The following MAPK10 variants were observed in gnomAD, a reference collection of about 807,000 sequenced individuals.
MAPK10 encodes the protein JNK3 alpha protein kinase.
MAPK10 carries 25 observed loss-of-function variants against 59.3 expected under a neutral mutation model. The ratio of observed to expected loss-of-function variants is 0.42; its 90% confidence interval spans 0.31 to 0.59. The LOEUF (loss-of-function observed/expected upper bound fraction) is 0.59. MAPK10 is among the 20% of genes least tolerant of loss of function. The pLI is 0.15. For synonymous variants in MAPK10, 190 were observed against 200.5 expected (o/e 0.95, Z 0.44); for missense variants, 351 against 568.9 (o/e 0.62, Z 3.90).
chr4:86,402,404 C>A (rs1743839863), intron 1 of MAPK10, among the ~76,000 whole-genome samples: 1 of 152,104 alleles, frequency 6.6e-6, no homozygotes. Context: ...CAGAAACATA[C>A]TTGATTATCC....
At chr4:86,563,398 G>A (rs926702747) in intron 1 of MAPK10, among the ~76,000 whole-genome samples, 1 of 152,126 alleles carries the variant, frequency 6.6e-6, no homozygotes, top group African/African-American at 2.4e-5. Context: ...TTCCAGGAGA[G>A]AAAAGAAATC....
chr4:86,059,974 G>A (rs929911950), intron 11 of MAPK10, among the ~76,000 whole-genome samples: 51 of 152,138 alleles, frequency 3.4e-4, no homozygotes, highest in Admixed American at 3.1e-3. Flanking sequence ...TGCCCAAGCA[G>A]CTCTACCTGC....
chr4:86,583,608 A>C (rs1762457259), intron 1 of MAPK10, among the ~76,000 whole-genome samples: 1 of 152,178 alleles, frequency 6.6e-6, no homozygotes, highest in Admixed American at 6.5e-5. Context: ...GGTAAAGATA[A>C]TTGCAGTGAT....
At chr4:86,434,938 C>T (rs1160385823) in intron 1 of MAPK10, among the ~76,000 whole-genome samples, 1 of 152,168 alleles carries the variant, frequency 6.6e-6, no homozygotes, top group Non-Finnish European at 1.5e-5. Context: ...GATCTATATA[C>T]ACAATGGAAT....
intron 1 of MAPK10, among the ~76,000 whole-genome samples, chr4:86,513,021 T>C (rs1756394949): frequency 6.6e-6 from 1 of 152,166 alleles, no homozygotes; most frequent in African/African-American, 2.4e-5. Context: ...ATCAGAACCT[T>C]CTGCTGGTAA....
chr4:86,107,194 G>C, intron 5 of MAPK10, 29 bp downstream of exon 5: 1 of 1,583,198 alleles, frequency 6.3e-7, no homozygotes, highest in Middle Eastern at 1.7e-4. Flanking sequence ...AACTCCCACT[G>C]CCAGAAGTTT....
intron 4 of MAPK10, among the ~76,000 whole-genome samples, chr4:86,122,532 C>A (rs1224883821): frequency 1.3e-5 from 2 of 152,080 alleles, no homozygotes; most frequent in African/African-American, 2.4e-5. Flanking sequence ...GGGTCTTGAT[C>A]CCACTTGTTT....
intron 2 of MAPK10, among the ~76,000 whole-genome samples, chr4:86,345,425 TGAA>T (rs1252280863): frequency 3.9e-5 from 6 of 152,212 alleles, no homozygotes. Flanking sequence ...TCTTTGCTGT[TGAA>T]GAACTGGTGT....
intron 1 of MAPK10, among the ~76,000 whole-genome samples, chr4:86,497,801 C>T (rs1459465296): frequency 1.3e-5 from 2 of 152,152 alleles, no homozygotes; most frequent in Non-Finnish European, 2.9e-5. Flanking sequence ...TAACAATCAG[C>T]ACTTGCACTC....
chr4:86,480,698 T>C (rs953363182), intron 1 of MAPK10, among the ~76,000 whole-genome samples: 1 of 152,210 alleles, frequency 6.6e-6, no homozygotes, highest in Admixed American at 6.5e-5. Context: ...GTTTTGAGGC[T>C]GTAGGAGTGG....
intron 11 of MAPK10, among the ~76,000 whole-genome samples, chr4:86,045,178 T>C (rs2042266043): frequency 6.6e-6 from 1 of 151,846 alleles, no homozygotes; most frequent in Admixed American, 6.6e-5. Context: ...TTTTCTCAGA[T>C]TTATTTATTA....
chr4:86,293,874 ACACCTCCCACCAGGCCC>A (rs1326188109), intron 2 of MAPK10, among the ~76,000 whole-genome samples: 4 of 152,090 alleles, frequency 2.6e-5, no homozygotes, highest in Non-Finnish European at 4.4e-5. Context: ...CTCTATCTAA[ACACCTCCCACCAGGCCC>A]CACCTCCAAC....
At chr4:86,141,748 G>A (rs73837418) in intron 4 of MAPK10, among the ~76,000 whole-genome samples, 2,174 of 152,242 alleles carry the variant, frequency 0.014, 52 homozygotes, top group African/African-American at 0.05. Context: ...ATGTGCTAAA[G>A]GCTAGAATTT....
At chr4:86,251,893 T>C (rs2093458144) in intron 2 of MAPK10, among the ~76,000 whole-genome samples, 1 of 132,818 alleles carries the variant, frequency 7.5e-6, no homozygotes, top group South Asian at 2.3e-4. Context: ...TGATATCTCA[T>C]AGTGGTTTTG....
intron 3 of MAPK10, among the ~76,000 whole-genome samples, chr4:86,174,881 G>T (rs2075318672): frequency 1.3e-5 from 2 of 152,220 alleles, no homozygotes; most frequent in South Asian, 2.1e-4. Flanking sequence ...CACTGAGAAT[G>T]CAAAGCTCCT....
chr4:86,502,322 C>G (rs186907010), intron 1 of MAPK10, among the ~76,000 whole-genome samples: 122 of 152,142 alleles, frequency 8.0e-4, no homozygotes, highest in Middle Eastern at 3.4e-3. Context: ...TCCCCCAACT[C>G]GCTCCTGAAG....
At chr4:86,050,825 C>G (rs2043370270) in intron 11 of MAPK10, among the ~76,000 whole-genome samples, 1 of 152,116 alleles carries the variant, frequency 6.6e-6, no homozygotes, top group African/African-American at 2.4e-5. Context: ...AAACAGCATT[C>G]TGGCATATAT....
At chr4:86,114,374 G>T (rs1023417512) in intron 4 of MAPK10, among the ~76,000 whole-genome samples, 1 of 152,128 alleles carries the variant, frequency 6.6e-6, no homozygotes, top group Non-Finnish European at 1.5e-5. Context: ...GATCTTTGAG[G>T]CTGCTGACCT....
intron 9 of MAPK10, chr4:86,091,001 T>C (rs1360981757): frequency 6.6e-6 from 1 of 152,092 alleles, no homozygotes; most frequent in Non-Finnish European, 1.5e-5. Flanking sequence ...CTATGTGACC[T>C]TGGCCAGGTT....
Sources: gnomAD v4.1 joint callset for allele counts (sites outside exome capture counted in the v4.1 genomes callset) on GRCh38, gnomAD v4.1.1 for gene constraint, MANE v1.5 for transcripts, NCBI Gene and HGNC (gene_info 2026-07-23, HGNC 2026-07-21) for gene names.